Variants in ZNF487 observed in about 807,000 individuals in gnomAD.
ZNF487 encodes the protein zinc finger protein 487, also known as KRAB domain only 1.
In ZNF487, 4 loss-of-function variants were observed where a neutral mutation model predicts 3.0. That is an observed-to-expected ratio of 1.35 (90% CI 0.66 to 3.08). The LOEUF (loss-of-function observed/expected upper bound fraction) is 3.08, where lower values mean the gene tolerates loss of function less well. Among genes scored for constraint, ZNF487 ranks in the 30% most tolerant of loss-of-function variants. The probability of loss-of-function intolerance (pLI) is 0.01; values close to 1 mark genes in which losing one functional copy is unlikely to be tolerated. For missense variants in ZNF487, 146 were observed against 98.7 expected, an observed-to-expected ratio of 1.48 and a Z score of -2.03; for synonymous variants, 55 against 34.6, an observed-to-expected ratio of 1.59 and a Z score of -2.06.
At chr10:43,470,001 A>G (rs1370293663) in intron 1 of ZNF487, among the ~76,000 whole-genome samples, 1 of 152,132 alleles carries the variant, frequency 6.6e-6, no homozygotes, top group Non-Finnish European at 1.5e-5. Flanking sequence ...ACATAATGCT[A>G]TTGCACACTT....
intron 1 of ZNF487, among the ~76,000 whole-genome samples, chr10:43,472,640 C>A (rs754621356): frequency 8.5e-5 from 13 of 152,124 alleles, no homozygotes; most frequent in Non-Finnish European, 1.5e-4. Flanking sequence ...CAAAGTTCCA[C>A]CAGTGGGTTA....
At chr10:43,510,750 G>A in the ZNF487 span, among the ~76,000 whole-genome samples, 2 of 152,168 alleles carry the variant, frequency 1.3e-5, no homozygotes, top group Admixed American at 1.3e-4. Context: ...GTTTCACCAT[G>A]TTGGTCAGGC....
In ZNF487 at chr10:43,446,679, G is replaced by A. The variant is rs575694706; in HGVS notation, c.-94+9417G>A. 1.5e-3 allele frequency among the ~76,000 whole-genome samples: 221 copies of A among 151,598 alleles called. 1 individual carries two copies. Among genetic ancestry groups the A allele is most frequent in the African/African-American group, 5.1e-3 (209 of 41,310 alleles). Reference sequence around the variant, plus strand: ...CTCCTCTCTTCCTAGACGGGATGACGGCCGGGAAGAGGCGCTCCTCACTTC... The same window carrying A: ...CTCCTCTCTTCCTAGACGGGATGACAGCCGGGAAGAGGCGCTCCTCACTTC... On this transcript the variant is annotated intron_variant, in intron 1 of 3. Transcript: ENST00000437590.
intron 1 of ZNF487, among the ~76,000 whole-genome samples, chr10:43,450,673 TA>T (rs1433289487): frequency 3.3e-5 from 5 of 152,088 alleles, no homozygotes; most frequent in Non-Finnish European, 5.9e-5. Context: ...GTGCCCAGAA[TA>T]ATTTGGGTGT....
At chr10:43,479,991 C>CTT (rs1190624198) in intron 3 of ZNF487, among the ~76,000 whole-genome samples, 2 of 65,680 alleles carry the variant, frequency 3.0e-5, no homozygotes, top group Non-Finnish European at 4.3e-5. Context: ...TTCCTTCTTT[C>CTT]TTTCTTTCTT....
At chr10:43,497,070 C>T in the ZNF487 span, among the ~76,000 whole-genome samples, 1 of 152,192 alleles carries the variant, frequency 6.6e-6, no homozygotes, top group African/African-American at 2.4e-5. Flanking sequence ...TCAGCATTTA[C>T]AAAAATCTAA....
chr10:43,496,003 T>C, the ZNF487 span: 2 of 530,774 alleles, frequency 3.8e-6, no homozygotes, highest in South Asian at 2.8e-5. Context: ...TGAACACAGA[T>C]GTACTTTTTC....
the ZNF487 span, among the ~76,000 whole-genome samples, chr10:43,521,035 G>A: frequency 1.3e-5 from 2 of 152,136 alleles, no homozygotes; most frequent in South Asian, 2.1e-4. Context: ...TGTTGAATCT[G>A]GGTAAGAACA....
chr10:43,479,975 C>CTTTCT (rs1564428702), intron 3 of ZNF487, among the ~76,000 whole-genome samples: 3 of 38,800 alleles, frequency 7.7e-5, no homozygotes, highest in South Asian at 8.4e-4. Flanking sequence ...TCTTTCTTTT[C>CTTTCT]TTTCTTTCCT....
intron 3 of ZNF487, 90 bp from the exon 4 acceptor site, chr10:43,481,339 A>G (rs1408226762): frequency 1.6e-6 from 1 of 627,936 alleles, no homozygotes; most frequent in African/African-American, 1.9e-5. Flanking sequence ...TGCCAAAAAA[A>G]AAAAGAAAAA....
At chr10:43,438,509 T>A (rs559949951) in intron 1 of ZNF487, among the ~76,000 whole-genome samples, 6 of 152,020 alleles carry the variant, frequency 3.9e-5, no homozygotes, top group African/African-American at 9.6e-5. Context: ...AAATATACCC[T>A]TGTGTATTGT....
intron 3 of ZNF487, among the ~76,000 whole-genome samples, chr10:43,480,801 G>C (rs1214760280): frequency 6.6e-6 from 1 of 151,924 alleles, no homozygotes; most frequent in African/African-American, 2.4e-5. Flanking sequence ...TAATTGCAAA[G>C]AGTAGAAAAT....
intron 1 of ZNF487, among the ~76,000 whole-genome samples, chr10:43,464,684 TGG>T (rs947318409): frequency 6.6e-6 from 1 of 152,192 alleles, no homozygotes; most frequent in Non-Finnish European, 1.5e-5. Flanking sequence ...AGCACAGGGT[TGG>T]GGGTAAGGTC....
intron 1 of ZNF487, among the ~76,000 whole-genome samples, chr10:43,468,679 CAAAAAAA>C (rs71016773): frequency 5.5e-5 from 2 of 36,042 alleles, no homozygotes; most frequent in Admixed American, 4.9e-4. Flanking sequence ...AACTCTGTCT[CAAAAAAA>C]AAAAAAAAAA....
chr10:43,444,819 C>T (rs939638866), intron 1 of ZNF487, among the ~76,000 whole-genome samples: 13 of 152,216 alleles, frequency 8.5e-5, no homozygotes, highest in Middle Eastern at 3.4e-3. Flanking sequence ...CCTCCTGCCT[C>T]GGCCTCCCAG....
At chr10:43,487,785 T>A (rs1320852177), downstream of ZNF487, among the ~76,000 whole-genome samples, 1 of 151,614 alleles carries the variant, frequency 6.6e-6, no homozygotes, top group Admixed American at 6.6e-5. Flanking sequence ...TAGAAATTTG[T>A]TAGAAGTAGA....
the ZNF487 span, among the ~76,000 whole-genome samples, chr10:43,498,485 G>A: frequency 2.7e-5 from 4 of 150,704 alleles, no homozygotes; most frequent in Admixed American, 6.6e-5. Flanking sequence ...CGCCACAGTG[G>A]CCAGGCTGGT....
chr10:43,496,197 GAT>G, the ZNF487 span: 244 of 436,880 alleles, frequency 5.6e-4, no homozygotes, highest in African/African-American at 4.5e-3. Flanking sequence ...TTTAGCAGTT[GAT>G]ATACGTGATC....
At chr10:43,450,246 C>T (rs1038463879) in intron 1 of ZNF487, among the ~76,000 whole-genome samples, 1 of 152,142 alleles carries the variant, frequency 6.6e-6, no homozygotes, top group Non-Finnish European at 1.5e-5. Context: ...CAGGGTTTCT[C>T]CATGTTGGTC....
Sources: allele counts gnomAD v4.1 joint callset (sites outside exome capture counted in the v4.1 genomes callset), GRCh38; gene constraint gnomAD v4.1.1; transcripts MANE v1.5; gene names NCBI Gene and HGNC (gene_info 2026-07-23, HGNC 2026-07-21).